Variants in PUM1 observed in about 807,000 individuals in gnomAD.
The protein encoded by PUM1 is pumilio RNA binding family member 1.
Under a neutral mutation model 131.8 loss-of-function variants are expected in PUM1, and 13 were observed. The ratio of observed to expected loss-of-function variants is 0.10; its 90% CI spans 0.06 to 0.16. The LOEUF (loss-of-function observed/expected upper bound fraction) is 0.16. Ranked by LOEUF, PUM1 falls within the 10% of genes least tolerant of loss-of-function variation. PUM1 has a pLI of 1.00. For missense variants in PUM1, 961 were observed against 1,512.4 expected, an observed-to-expected ratio of 0.64 and a Z score of 6.05; for synonymous variants, 509 against 556.5, an observed-to-expected ratio of 0.91 and a Z score of 1.20.
intron 2 of PUM1, among the ~76,000 whole-genome samples, chr1:31,037,393 G>A (rs1212597464): frequency 6.6e-6 from 1 of 152,132 alleles, no homozygotes; most frequent in Non-Finnish European, 1.5e-5. Context: ...TTAAGTCTGG[G>A]TATCTACCTC....
At chr1:30,952,672 AGCGGGGGG>A (rs1282031766) in intron 15 of PUM1, among the ~76,000 whole-genome samples, 2 of 10,546 alleles carry the variant, frequency 1.9e-4, no homozygotes, top group East Asian at 1.6e-3. Context: ...GGAAGATGAA[AGCGGGGGG>A]GGCGGGGGGG....
At chr1:30,990,183 T>C (rs988184684) in intron 7 of PUM1, among the ~76,000 whole-genome samples, 5 of 152,166 alleles carry the variant, frequency 3.3e-5, no homozygotes, top group Non-Finnish European at 5.9e-5. Context: ...ACTGAGATAT[T>C]ATAATAGGGA....
At chr1:31,050,282 T>C (rs539388203) in intron 2 of PUM1, among the ~76,000 whole-genome samples, 28 of 151,758 alleles carry the variant, frequency 1.8e-4, no homozygotes, top group Non-Finnish European at 3.5e-4. Flanking sequence ...ACCAGGAGTT[T>C]AAAACCAGCC....
intron 3 of PUM1, among the ~76,000 whole-genome samples, chr1:31,026,267 A>G (rs1311816031): frequency 2.6e-5 from 4 of 151,908 alleles, no homozygotes; most frequent in African/African-American, 7.2e-5. Flanking sequence ...TAAAAAAAAA[A>G]AAAAGAAAAG....
intron 2 of PUM1, among the ~76,000 whole-genome samples, chr1:31,049,059 A>G (rs184185952): frequency 6.6e-6 from 1 of 151,854 alleles, no homozygotes; most frequent in East Asian, 2.0e-4. Flanking sequence ...TACAAAAATG[A>G]GCTGGCATGA....
chr1:31,033,267 C>T (rs548704971), intron 2 of PUM1, among the ~76,000 whole-genome samples: 114 of 150,382 alleles, frequency 7.6e-4, no homozygotes, highest in African/African-American at 2.7e-3. Flanking sequence ...TGCAGTGGTG[C>T]GATCTCACCT....
chr1:31,018,303 C>T (rs1349963076), intron 3 of PUM1, among the ~76,000 whole-genome samples: 1 of 151,552 alleles, frequency 6.6e-6, no homozygotes, highest in Non-Finnish European at 1.5e-5. Flanking sequence ...GAGCCGAGAT[C>T]TCGCCACTGC....
intron 14 of PUM1, among the ~76,000 whole-genome samples, chr1:30,956,245 A>T (rs1640160479): frequency 6.6e-6 from 1 of 152,068 alleles, no homozygotes; most frequent in African/African-American, 2.4e-5. Context: ...CAGCAGTCAT[A>T]AGACTGTTTT....
intron 3 of PUM1, among the ~76,000 whole-genome samples, chr1:31,025,139 G>C (rs116400400): frequency 0.017 from 2,640 of 152,200 alleles, 39 homozygotes; most frequent in Middle Eastern, 0.048. Flanking sequence ...TAAAGCACTT[G>C]TACTATGAGT....
intron 20 of PUM1, among the ~76,000 whole-genome samples, chr1:30,939,427 ATT>A (rs1484270173): frequency 6.6e-6 from 1 of 152,072 alleles, no homozygotes; most frequent in Non-Finnish European, 1.5e-5. Flanking sequence ...CCTTTCTAGG[ATT>A]TCTCTTTGTT....
intron 7 of PUM1, 50 bp downstream of exon 7, chr1:30,992,340 C>A: frequency 6.3e-7 from 1 of 1,578,616 alleles, no homozygotes; most frequent in Non-Finnish European, 8.6e-7. Context: ...ACTTGAACAA[C>A]GTGCTGGCTG....
intron 3 of PUM1, among the ~76,000 whole-genome samples, chr1:31,012,794 TAAGAC>T (rs1308524247): frequency 6.6e-6 from 1 of 152,130 alleles, no homozygotes; most frequent in Non-Finnish European, 1.5e-5. Context: ...AAACATGGAT[TAAGAC>T]AATAAAAAGT....
intron 9 of PUM1, among the ~76,000 whole-genome samples, chr1:30,979,589 G>C (rs545848910): frequency 6.6e-6 from 1 of 151,966 alleles, no homozygotes. Context: ...GACATACTAG[G>C]GTAGAAAAAA....
intron 8 of PUM1, among the ~76,000 whole-genome samples, chr1:30,980,803 G>A (rs1009149205): frequency 6.6e-6 from 1 of 152,162 alleles, no homozygotes; most frequent in African/African-American, 2.4e-5. Flanking sequence ...GAAACGTCTA[G>A]GCAGTACGAT....
rs1641834845 is a variant in PUM1, at chr1:30,992,657, A to G, written c.891T>C (p.Arg297=). 1.9e-6 allele frequency: 3 copies of G among 1,611,492 alleles called. No homozygotes were observed. Among genetic ancestry groups the G allele is most frequent in the Non-Finnish European group, 2.5e-6 (3 of 1,178,232 alleles). ...GIDADVKDFS[R]TPGNCQNSAN... is the part of the protein sequence containing the mutation. ...CAGAGTTCTGGCAATTACCAGGGGT[A>G]CGGCTAAACAGAGAAAGTAAAGGGC... Residue 297 remains arginine (R), a synonymous_variant, in exon 7 of 22, where the codon CGT becomes CGC. Coordinates refer to ENST00000426105, the MANE Select transcript of PUM1 (RefSeq NM_001020658.2).
Position 31,048,586 on chromosome 1 carries a change from T to C in PUM1, c.363+10618A>G, listed in dbSNP as rs192435125. 5.9e-5 allele frequency among the ~76,000 whole-genome samples: 9 copies of C among 151,966 alleles called. No homozygotes were observed. In the East Asian group the frequency reaches 1.8e-3, roughly 30 times the overall value. On this transcript the variant is annotated intron_variant, in intron 2 of 21. Transcript: ENST00000426105. ...GCCTCCCAAGTTCAAGCAATTCTCC[T>C]GCCTCAGCCTCCCAAGTAGCTGGGA...
chr1:31,062,754 C>T (rs1644398172), intron 1 of PUM1, among the ~76,000 whole-genome samples: 1 of 152,292 alleles, frequency 6.6e-6, no homozygotes, highest in African/African-American at 2.4e-5. Flanking sequence ...CTTCTCCCAA[C>T]CCCCACTGTG....
intron 2 of PUM1, among the ~76,000 whole-genome samples, chr1:31,043,411 G>A (rs762973273): frequency 7.3e-5 from 11 of 151,364 alleles, no homozygotes; most frequent in Non-Finnish European, 1.0e-4. Flanking sequence ...TAGAGATGGG[G>A]GTTTCACCAT....
At chr1:31,004,653 G>A (rs1642336123) in intron 5 of PUM1, among the ~76,000 whole-genome samples, 1 of 152,142 alleles carries the variant, frequency 6.6e-6, no homozygotes, top group Non-Finnish European at 1.5e-5. Context: ...AATCAGGTCA[G>A]CTTTAGAATA....
Sources: gnomAD v4.1 joint callset for allele counts (sites outside exome capture counted in the v4.1 genomes callset) on GRCh38, gnomAD v4.1.1 for gene constraint, MANE v1.5 for transcripts, NCBI Gene and HGNC (gene_info 2026-07-23, HGNC 2026-07-21) for gene names.